Variants in ILDR2 observed in about 807,000 individuals in gnomAD.
ILDR2 encodes the protein immunoglobulin like domain containing receptor 2.
Under a neutral mutation model 66.8 loss-of-function variants are expected in ILDR2, and 25 were observed. The ratio of observed to expected loss-of-function variants is 0.37; its 90% CI spans 0.27 to 0.52. The LOEUF (loss-of-function observed/expected upper bound fraction) is 0.52, where lower values mean the gene tolerates loss of function less well. ILDR2 is among the 20% of genes least tolerant of loss of function. The pLI, the probability that ILDR2 is intolerant of heterozygous loss-of-function variation, is 0.88. For synonymous variants in ILDR2, 367 were observed against 357.2 expected, an observed-to-expected ratio of 1.03 and a Z score of -0.31; for missense variants, 827 against 876.8, an observed-to-expected ratio of 0.94 and a Z score of 0.72.
chr1:166,922,119 T>C (rs1659984276), intron 8 of ILDR2, among the ~76,000 whole-genome samples: 1 of 152,046 alleles, frequency 6.6e-6, no homozygotes, highest in Admixed American at 6.6e-5. Flanking sequence ...TACTAAATGA[T>C]CAAAAATGAG....
Position 166,975,275 on chromosome 1 carries a change from CA to C in ILDR2, c.-8del. The C allele has an allele frequency of 6.2e-7, 1 of 1,613,098 alleles. No individual in the cohort carries two copies. The highest frequency in any genetic ancestry group is 8.5e-7 in the Non-Finnish European group (1 of 1,179,246). ...TCAGCAAGACCCTATCCATCTTCCC[CA>C]ACTTCCCAGCCGAATTACGGAGTGA... On this transcript the variant is annotated 5_prime_UTR_variant, in exon 1 of 10. Coordinates refer to ENST00000271417, the MANE Select transcript of ILDR2 (RefSeq NM_199351.3).
chr1:166,956,668 G>A (rs1195808500), intron 3 of ILDR2, 65 bp downstream of exon 3: 2 of 1,572,912 alleles, frequency 1.3e-6, no homozygotes, highest in East Asian at 2.2e-5. Flanking sequence ...AGTGAGAAGA[G>A]GGATAGGATA....
Position 166,957,817 on chromosome 1 carries a change from C to CA in ILDR2, c.330dup (p.Val111CysfsTer17). The stretch of plus-strand genomic sequence containing the variant: ...CCCCTGTAGAAATCTCCCAGGGTGA[C>CA]AGTCGAGCCCTGTTTTGAAGCTACT... On this transcript the variant is annotated frameshift_variant, in exon 2 of 10. Coordinates refer to ENST00000271417, the MANE Select transcript of ILDR2 (RefSeq NM_199351.3). LOFTEE classifies it high-confidence loss of function. 1 of 1,614,134 alleles carries CA rather than the reference C, an allele frequency of 6.2e-7. No homozygotes were observed. Among genetic ancestry groups the CA allele is most frequent in the Non-Finnish European group, 8.5e-7 (1 of 1,179,988 alleles).
chr1:166,965,847 G>A (rs1168465986), intron 1 of ILDR2, among the ~76,000 whole-genome samples: 1 of 150,634 alleles, frequency 6.6e-6, no homozygotes, highest in East Asian at 1.9e-4. Flanking sequence ...TTAACATGTT[G>A]TCCCAATTTC....
In ILDR2 at chr1:166,921,125, G is replaced by A; in HGVS notation, c.1466C>T (p.Thr489Ile). 6.5e-7 allele frequency: 1 copy of A among 1,529,952 alleles called. No individual in the cohort carries two copies. Among genetic ancestry groups the A allele is most frequent in the Non-Finnish European group, 8.7e-7 (1 of 1,144,000 alleles). 94.8% of individuals were successfully genotyped at this position (1,529,952 alleles called of 1,614,324 possible). The change falls in exon 9 of 10, where the codon ACC (threonine) becomes ATC (isoleucine). Residue 489 changes from threonine to isoleucine, a missense_variant. Physicochemically the swap from Thr to Ile is moderately conservative, Grantham distance 89. Transcript: ENST00000271417. The surrounding 1 kb of genome is among the most constrained non-coding windows in gnomAD (Gnocchi z 5.3). ...GQRSRSREPL[T>I]DADRGWAFSP... is the part of the protein sequence containing the mutation. ...GAAGGCCCAGCCGCGGTCAGCATCG[G>A]TCAGGGGCTCGCGGCTGCGGCTGCG...
intron 2 of ILDR2, chr1:166,896,164 T>C (rs1659163765): frequency 6.6e-6 from 1 of 152,334 alleles, no homozygotes; most frequent in South Asian, 2.1e-4. Context: ...TGCTCAACAA[T>C]ATATGTCACT....
chr1:166,937,217 C>G (rs922876205), intron 4 of ILDR2, among the ~76,000 whole-genome samples: 10 of 152,168 alleles, frequency 6.6e-5, no homozygotes, highest in African/African-American at 2.4e-4. Context: ...GTCTCTATGT[C>G]TAGGGGTCTA....
Position 166,914,014 on chromosome 1 carries a change from C to G in ILDR2, c.*5341G>C, listed in dbSNP as rs900173133. ...TCTGTAGTCCTACCTACTTGGGAGG[C>G]TGAGGGAGGAGGATTGCTTGAGCTA... is the stretch of plus-strand genomic sequence containing the variant. On this transcript the variant is annotated 3_prime_UTR_variant, in exon 10 of 10. Transcript: ENST00000271417. 1 of 151,754 alleles carries G rather than the reference C, an allele frequency of 6.6e-6. No homozygotes were observed. Among genetic ancestry groups the G allele is most frequent in the African/African-American group, 2.4e-5 (1 of 41,214 alleles). 9.4% of individuals were successfully genotyped at this position (151,754 alleles called of 1,614,324 possible).
At chr1:166,930,446 C>T (rs1417822282) in intron 6 of ILDR2, among the ~76,000 whole-genome samples, 1 of 152,152 alleles carries the variant, frequency 6.6e-6, no homozygotes, top group Non-Finnish European at 1.5e-5. Context: ...AAGTATTGAT[C>T]TTTTGACTTT....
At chr1:166,938,501 G>A (rs1661115824) in intron 4 of ILDR2, among the ~76,000 whole-genome samples, 1 of 152,152 alleles carries the variant, frequency 6.6e-6, no homozygotes, top group Admixed American at 6.5e-5. Context: ...AGGGAATTCT[G>A]GATAAGGGGA....
intron 7 of ILDR2, among the ~76,000 whole-genome samples, chr1:166,924,516 C>T (rs1296482102): frequency 6.6e-6 from 1 of 152,196 alleles, no homozygotes; most frequent in African/African-American, 2.4e-5. Context: ...CATCGACCTG[C>T]CCCCATCTCA....
At chr1:166,959,962 C>T (rs1461221012) in intron 1 of ILDR2, among the ~76,000 whole-genome samples, 14 of 152,182 alleles carry the variant, frequency 9.2e-5, no homozygotes, top group African/African-American at 3.4e-4. Flanking sequence ...GAGTCCTGTC[C>T]TTTATTAGTG....
intron 3 of ILDR2, among the ~76,000 whole-genome samples, 183 bp downstream of exon 3, chr1:166,956,550 A>G (rs2101977801): frequency 6.6e-6 from 1 of 152,362 alleles, no homozygotes; most frequent in African/African-American, 2.4e-5. Flanking sequence ...GCTTTCAAGA[A>G]GTAAGACATA....
intron 6 of ILDR2, 71 bp from the exon 7 acceptor site, chr1:166,927,251 T>C (rs1660356310): frequency 2.1e-6 from 2 of 938,664 alleles, no homozygotes; most frequent in South Asian, 2.9e-5. Flanking sequence ...CCATTTATTT[T>C]ACCAAGTAGA....
At chr1:166,948,510 C>G (rs1341530049) in intron 3 of ILDR2, among the ~76,000 whole-genome samples, 1 of 152,030 alleles carries the variant, frequency 6.6e-6, no homozygotes, top group Non-Finnish European at 1.5e-5. Context: ...CAGTAAACAC[C>G]CTGCAATTAA....
intron 6 of ILDR2, among the ~76,000 whole-genome samples, chr1:166,931,500 A>G (rs1236810175): frequency 6.6e-6 from 1 of 152,234 alleles, no homozygotes; most frequent in Admixed American, 6.5e-5. Context: ...TGACATTTCA[A>G]AACCCTACTT....
Position 166,912,291 on chromosome 1 carries a change from G to A in ILDR2, c.*7064C>T, listed in dbSNP as rs1385406937. The A allele has an allele frequency of 6.6e-6, 1 of 152,058 alleles. No individual in the cohort carries two copies. The highest frequency in any genetic ancestry group is 1.5e-5 in the Non-Finnish European group (1 of 67,976). 9.4% of individuals were successfully genotyped at this position (152,058 alleles called of 1,614,324 possible). ...GAAATTATCTTTCAAGAACAAGAAT[G>A]AAATAAAGACTTTTACATCAACAAA... On this transcript the variant is annotated 3_prime_UTR_variant, in exon 10 of 10. Coordinates refer to ENST00000271417, the MANE Select transcript of ILDR2 (RefSeq NM_199351.3).
At chr1:166,963,013 TCTC>T (rs1313846743) in intron 1 of ILDR2, among the ~76,000 whole-genome samples, 4 of 152,288 alleles carry the variant, frequency 2.6e-5, no homozygotes, top group East Asian at 3.9e-4. Flanking sequence ...TCATTCATCG[TCTC>T]CTCTTTTCCC....
chr1:166,964,442 G>A (rs1662811582), intron 1 of ILDR2, among the ~76,000 whole-genome samples: 1 of 152,154 alleles, frequency 6.6e-6, no homozygotes, highest in Non-Finnish European at 1.5e-5. Context: ...TGAGGGCAGG[G>A]GCCAGGATTT....
Sources: allele counts gnomAD v4.1 joint callset (sites outside exome capture counted in the v4.1 genomes callset), GRCh38; gene constraint gnomAD v4.1.1; non-coding constraint Gnocchi (gnomAD v3.1); transcripts MANE v1.5; gene names NCBI Gene and HGNC (gene_info 2026-07-23, HGNC 2026-07-21).